TPD52: variants seen among roughly 807,000 people sequenced by gnomAD.
The protein encoded by TPD52 is tumor protein D52, also known as prostate and colon associated protein.
A neutral mutation model predicts 31.3 loss-of-function variants in TPD52; 17 were observed. That is an observed-to-expected ratio of 0.54 (90% CI 0.37 to 0.82). The LOEUF (loss-of-function observed/expected upper bound fraction) is 0.82. Among genes scored for constraint, TPD52 ranks in the 40% least tolerant of loss-of-function variants. The probability of loss-of-function intolerance (pLI) is 0.00; values close to 1 mark genes in which losing one functional copy is unlikely to be tolerated. For missense variants in TPD52, 212 were observed against 240.1 expected (o/e 0.88, Z 0.77); for synonymous variants, 83 against 89.6 (o/e 0.93, Z 0.42).
intron 1 of TPD52, among the ~76,000 whole-genome samples, chr8:80,065,984 T>C (rs1437973001): frequency 1.3e-5 from 2 of 150,138 alleles, no homozygotes; most frequent in East Asian, 3.9e-4. Flanking sequence ...TTTACTCCTC[T>C]GCCTGCTCTT....
At chr8:80,156,517 T>C (rs1345550394) in intron 1 of TPD52, among the ~76,000 whole-genome samples, 1 of 152,128 alleles carries the variant, frequency 6.6e-6, no homozygotes, top group East Asian at 1.9e-4. Flanking sequence ...ACCAAGTCTT[T>C]GTGGGATGTT....
chr8:80,052,646 T>TC (rs1376563470), intron 3 of TPD52: 8 of 1,289,044 alleles, frequency 6.2e-6, no homozygotes, highest in Non-Finnish European at 8.1e-6. Flanking sequence ...ACAGAGCAGT[T>TC]CGGTTTCTGC....
At chr8:80,042,243 A>T in intron 7 of TPD52, 1 of 985,460 alleles carries the variant, frequency 1.0e-6, no homozygotes, top group Non-Finnish European at 1.2e-6. Flanking sequence ...GAGTGGTAGG[A>T]CCAATTTTTT....
At chr8:80,075,580 AT>A (rs1423752658) in intron 1 of TPD52, among the ~76,000 whole-genome samples, 9 of 151,668 alleles carry the variant, frequency 5.9e-5, no homozygotes, top group Admixed American at 3.9e-4. Context: ...AATCTCTTTC[AT>A]TTTTTTTTAA....
At chr8:80,169,675 G>A (rs1444788494) in intron 1 of TPD52, among the ~76,000 whole-genome samples, 3 of 152,168 alleles carry the variant, frequency 2.0e-5, no homozygotes, top group African/African-American at 7.2e-5. Context: ...ACGACAGTGT[G>A]TAACAGATTA....
chr8:80,083,517 A>G (rs1815492108), intron 1 of TPD52, among the ~76,000 whole-genome samples: 1 of 152,176 alleles, frequency 6.6e-6, no homozygotes, highest in Admixed American at 6.5e-5. Flanking sequence ...GGTTTTATTA[A>G]GAGATCTTTA....
At chr8:80,064,837 T>TG (rs1449763258) in intron 1 of TPD52, 11 of 637,188 alleles carry the variant, frequency 1.7e-5, no homozygotes, top group South Asian at 1.7e-4. Flanking sequence ...TCTTAGCTTC[T>TG]GTTCATAGTC....
At chr8:80,042,452 T>G in intron 7 of TPD52, 168 bp downstream of exon 7, 1 of 985,446 alleles carries the variant, frequency 1.0e-6, no homozygotes, top group Non-Finnish European at 1.2e-6. Flanking sequence ...TAAAAAGATA[T>G]TAAGTACATA....
chr8:80,044,041 G>A (rs1810607595), intron 6 of TPD52, 126 bp downstream of exon 6: 2 of 737,884 alleles, frequency 2.7e-6, no homozygotes, highest in Admixed American at 3.1e-5. Context: ...AACTGATAGA[G>A]TGTTAAACAC....
At chr8:80,148,392 G>A (rs890308) in intron 1 of TPD52, among the ~76,000 whole-genome samples, 47,722 of 150,516 alleles carry the variant, frequency 0.32, 9,483 homozygotes, top group East Asian at 0.71. Flanking sequence ...TAAACTCCTG[G>A]GATCAAGCAA....
intron 1 of TPD52, among the ~76,000 whole-genome samples, chr8:80,163,597 T>G (rs1217613029): frequency 3.3e-5 from 5 of 152,200 alleles, no homozygotes; most frequent in Admixed American, 6.5e-5. Flanking sequence ...TAAAAACGAT[T>G]AAGATGGTAA....
At chr8:80,107,662 GAT>G (rs747029912) in intron 1 of TPD52, among the ~76,000 whole-genome samples, 22 of 152,002 alleles carry the variant, frequency 1.4e-4, no homozygotes, top group Admixed American at 4.6e-4. Context: ...CTTTAATGGA[GAT>G]CTATTCAAAT....
chr8:80,161,961 C>T (rs1390880753), intron 1 of TPD52, among the ~76,000 whole-genome samples: 1 of 151,972 alleles, frequency 6.6e-6, no homozygotes. Flanking sequence ...ACTCCTGACC[C>T]CAAGTGATCC....
At chr8:80,040,362 T>C (rs1810265437) in intron 7 of TPD52, among the ~76,000 whole-genome samples, 1 of 151,798 alleles carries the variant, frequency 6.6e-6, no homozygotes, top group South Asian at 2.1e-4. Flanking sequence ...AATTTTTCTA[T>C]CGTTTTTGGT....
At chr8:80,092,200 A>G (rs1816327356) in intron 1 of TPD52, among the ~76,000 whole-genome samples, 1 of 152,124 alleles carries the variant, frequency 6.6e-6, no homozygotes, top group Admixed American at 6.5e-5. Flanking sequence ...CTATTTTGAA[A>G]TCTACAATAC....
At chr8:80,159,149 T>C (rs556694853) in intron 1 of TPD52, among the ~76,000 whole-genome samples, 19 of 152,266 alleles carry the variant, frequency 1.2e-4, no homozygotes, top group Non-Finnish European at 2.4e-4. Flanking sequence ...TCAGTATCTA[T>C]TGAGCACCAG....
chr8:80,095,134 T>C (rs1816636115), intron 1 of TPD52, among the ~76,000 whole-genome samples: 1 of 151,986 alleles, frequency 6.6e-6, no homozygotes, highest in Non-Finnish European at 1.5e-5. Flanking sequence ...TGTCATTCAG[T>C]AGGTGAATGG....
At chr8:80,066,792 A>G (rs1217252775) in intron 1 of TPD52, 1 of 152,200 alleles carries the variant, frequency 6.6e-6, no homozygotes, top group East Asian at 1.9e-4. Context: ...TCTACCCTCT[A>G]TGTCAGATTA....
At chr8:80,063,389 TGAA>T (rs1812760480) in intron 2 of TPD52, among the ~76,000 whole-genome samples, 1 of 152,180 alleles carries the variant, frequency 6.6e-6, no homozygotes, top group African/African-American at 2.4e-5. Context: ...TGCCAGGGGC[TGAA>T]GGAGGGGAGT....
Sources: gnomAD v4.1 joint callset for allele counts (sites outside exome capture counted in the v4.1 genomes callset) on GRCh38, gnomAD v4.1.1 for gene constraint, MANE v1.5 for transcripts, NCBI Gene and HGNC (gene_info 2026-07-23, HGNC 2026-07-21) for gene names.